Variants in SCN10A observed in about 807,000 individuals in gnomAD.
SCN10A encodes sodium voltage-gated channel alpha subunit 10.
In SCN10A, 162 loss-of-function variants were observed where a neutral mutation model predicts 170.7. The ratio of observed to expected loss-of-function variants is 0.95; its 90% CI spans 0.84 to 1.08. The LOEUF is 1.08. Among genes scored for constraint, SCN10A ranks in the 50% least tolerant of loss-of-function variants. The pLI, the probability that SCN10A is intolerant of heterozygous loss-of-function variation, is 0.00. For missense variants in SCN10A, 2,527 were observed against 2,436.9 expected (o/e 1.04, Z -0.78); for synonymous variants, 985 against 904.6 (o/e 1.09, Z -1.59).
intron 17 of SCN10A, among the ~76,000 whole-genome samples, chr3:38,726,368 C>A (rs1248623183): frequency 6.6e-6 from 1 of 152,166 alleles, no homozygotes; most frequent in Non-Finnish European, 1.5e-5. Flanking sequence ...AGACAATCCC[C>A]AAGCACCTCA....
intron 15 of SCN10A, among the ~76,000 whole-genome samples, chr3:38,737,031 C>A (rs1195497909): frequency 8.4e-6 from 1 of 118,472 alleles, no homozygotes; most frequent in East Asian, 2.8e-4. Flanking sequence ...ATTGCAGTGG[C>A]GCAATCTCGG....
intron 20 of SCN10A, among the ~76,000 whole-genome samples, chr3:38,719,682 C>A (rs1472468701): frequency 6.6e-6 from 1 of 152,108 alleles, no homozygotes; most frequent in Non-Finnish European, 1.5e-5. Context: ...CGTGAGCCAC[C>A]GCGCCCGGCC....
chr3:38,761,384 C>G lies in SCN10A; in HGVS notation c.692-1G>C. On this transcript the variant is annotated splice_acceptor_variant, in intron 6 of 27. Transcript: ENST00000449082. LOFTEE classifies it high-confidence loss of function. ...AGGGCCCCCACAATGACCTTCAGGC[C>G]TGCGGGAAGATGACAGTGGTATGAC... 1 of 1,611,832 alleles carries G rather than the reference C, an allele frequency of 6.2e-7. No individual in the cohort carries two copies. Among genetic ancestry groups the G allele is most frequent in the Non-Finnish European group, 8.5e-7 (1 of 1,178,602 alleles).
intron 13 of SCN10A, among the ~76,000 whole-genome samples, chr3:38,743,444 T>G (rs2063655712): frequency 6.6e-6 from 1 of 152,196 alleles, no homozygotes; most frequent in South Asian, 2.1e-4. Flanking sequence ...GACCCCATGC[T>G]CTCTTTCATT....
intron 13 of SCN10A, among the ~76,000 whole-genome samples, chr3:38,745,815 G>T (rs746273137): frequency 2.6e-5 from 4 of 151,452 alleles, no homozygotes; most frequent in African/African-American, 4.9e-5. Context: ...TTTACTCTTG[G>T]CTCTGCATTG....
rs529297933 is a variant in SCN10A at position 38,780,781 on chromosome 3, A to C, written c.470+8175T>G. On this transcript the variant is annotated intron_variant, in intron 4 of 27. Coordinates refer to ENST00000449082, the MANE Select transcript of SCN10A (RefSeq NM_006514.4). ...TTCAAAATGGGTTGTAAAGCAGCAG[A>C]GACAACTCAACATCAACAACGCATT... Among the ~76,000 whole-genome samples the C allele has an allele frequency of 2.3e-4, 35 of 152,264 alleles. No homozygotes were observed. In the South Asian group the frequency reaches 7.0e-3, roughly 31 times the overall value.
Position 38,750,077 on chromosome 3 carries a change from A to C in SCN10A, c.1863T>G (p.Leu621=). 6.3e-7 allele frequency: 1 copy of C among 1,585,718 alleles called. No homozygotes were observed. Among genetic ancestry groups the C allele is most frequent in the Non-Finnish European group, 8.7e-7 (1 of 1,154,590 alleles). The change falls in exon 13 of 28, where the codon CTT becomes CTG. Residue 621 remains leucine, a synonymous_variant. Transcript: ENST00000449082. ...AATGCAGTGAGCAGCACTTACCCTC[A>C]AGGACGGAGGTTATGATACTGACAA... ...MSVVSIITSV[L]EELEESEQKC... is the part of the protein sequence containing the mutation.
In SCN10A at chr3:38,714,088, C is replaced by T. The variant is rs1444854347; in HGVS notation, c.3682-8G>A. ...GAGACTTATCAGTGAGATCTGAGTG[C>T]AGGAGAGGGCAGAAACATCACTCTA... On this transcript the variant is annotated splice_region_variant and splice_polypyrimidine_tract_variant and intron_variant, in intron 21 of 27. Transcript: ENST00000449082. The T allele has an allele frequency of 1.9e-6, 3 of 1,614,006 alleles. No individual in the cohort carries two copies. The Admixed American group carries it at 5.0e-5, about 27-fold the overall frequency.
intron 1 of SCN10A, 33 bp from the exon 2 acceptor site, chr3:38,794,075 A>T: frequency 1.3e-6 from 2 of 1,484,560 alleles, no homozygotes; most frequent in Non-Finnish European, 1.9e-6. Flanking sequence ...CAGAGAGGTG[A>T]CAGCTTGCCC....
chr3:38,811,885 G>A (rs2064443476), intron 1 of SCN10A, among the ~76,000 whole-genome samples: 1 of 152,180 alleles, frequency 6.6e-6, no homozygotes, highest in Admixed American at 6.5e-5. Context: ...GGGAAACAGT[G>A]AGGTGTCTGA....
At chr3:38,719,173 A>G (rs1044555348) in intron 20 of SCN10A, among the ~76,000 whole-genome samples, 1 of 152,226 alleles carries the variant, frequency 6.6e-6, no homozygotes, top group African/African-American at 2.4e-5. Flanking sequence ...AAAAGCATCA[A>G]CGGATGTTCA....
intron 1 of SCN10A, among the ~76,000 whole-genome samples, chr3:38,813,616 T>C (rs2064454031): frequency 1.3e-5 from 2 of 152,180 alleles, no homozygotes; most frequent in Admixed American, 1.3e-4. Context: ...GCCACTGTAC[T>C]CTATAACTGG....
intron 6 of SCN10A, 43 bp downstream of exon 6, chr3:38,763,462 T>C: frequency 7.0e-7 from 1 of 1,425,988 alleles, no homozygotes; most frequent in East Asian, 2.3e-5. Flanking sequence ...AGAAGGGAGT[T>C]AGGCTGTGAA....
intron 26 of SCN10A, among the ~76,000 whole-genome samples, chr3:38,702,697 G>T (rs2125983442): frequency 6.6e-6 from 1 of 152,330 alleles, no homozygotes; most frequent in Non-Finnish European, 1.5e-5. Context: ...GTGCAAAGGG[G>T]AAACTTATTC....
At chr3:38,788,668 C>T (rs1338186496) in intron 4 of SCN10A, among the ~76,000 whole-genome samples, 1 of 152,062 alleles carries the variant, frequency 6.6e-6, no homozygotes, top group Non-Finnish European at 1.5e-5. Flanking sequence ...CCACCTTAGA[C>T]TTTCTGGGGC....
At chr3:38,796,025 T>G (rs1341604528) in intron 1 of SCN10A, among the ~76,000 whole-genome samples, 1 of 152,166 alleles carries the variant, frequency 6.6e-6, no homozygotes, top group East Asian at 1.9e-4. Context: ...CTCATTTATA[T>G]GCAGATGACT....
intron 13 of SCN10A, among the ~76,000 whole-genome samples, chr3:38,742,883 T>C (rs191074489): frequency 6.6e-6 from 1 of 152,280 alleles, no homozygotes. Flanking sequence ...TCCTCCTTCA[T>C]TGTACTTGCC....
chr3:38,712,475 C>T (rs375397639), intron 22 of SCN10A, 30 bp from the exon 23 acceptor site: 16 of 1,603,958 alleles, frequency 1.0e-5, no homozygotes, highest in Non-Finnish European at 1.4e-5. Flanking sequence ...GACCTGGAAC[C>T]TCCCAATGCC....
chr3:38,771,222 C>A, intron 5 of SCN10A, 57 bp downstream of exon 5: 1 of 1,591,780 alleles, frequency 6.3e-7, no homozygotes, highest in South Asian at 1.2e-5. Context: ...TGTCTCCTAC[C>A]CACCATTTTG....
Sources: gnomAD v4.1 joint callset for allele counts (sites outside exome capture counted in the v4.1 genomes callset) on GRCh38, gnomAD v4.1.1 for gene constraint, MANE v1.5 for transcripts, NCBI Gene and HGNC (gene_info 2026-07-23, HGNC 2026-07-21) for gene names.